Variants in ATR observed in about 807,000 individuals in gnomAD.
ATR encodes serine/threonine-protein kinase ATR.
In ATR, 142 loss-of-function variants were observed where a neutral mutation model predicts 305.3. That is an observed-to-expected ratio of 0.47 (90% CI 0.41 to 0.53). The LOEUF (loss-of-function observed/expected upper bound fraction) is 0.53, where lower values mean the gene tolerates loss of function less well. Ranked by LOEUF, ATR falls within the 20% of genes least tolerant of loss-of-function variation. ATR has a pLI of 0.00. For synonymous variants in ATR, 1,050 were observed against 1,068.1 expected (o/e 0.98, Z 0.33); for missense variants, 2,135 against 3,133.1 (o/e 0.68, Z 7.60).
intron 35 of ATR, 38 bp from the exon 36 acceptor site, chr3:142,485,320 C>T (rs2030844549): frequency 1.2e-6 from 2 of 1,610,894 alleles, no homozygotes; most frequent in East Asian, 2.2e-5. Flanking sequence ...CTAAGGAAAT[C>T]CCACGCTATG....
chr3:142,486,662 T>C (rs1438845315), intron 35 of ATR, among the ~76,000 whole-genome samples: 2 of 152,152 alleles, frequency 1.3e-5, no homozygotes, highest in African/African-American at 4.8e-5. Context: ...TTAAGATTTT[T>C]AAGTTTTATT....
chr3:142,478,272 A>T (rs1443935193), intron 36 of ATR, among the ~76,000 whole-genome samples: 1 of 151,986 alleles, frequency 6.6e-6, no homozygotes, highest in Non-Finnish European at 1.5e-5. Context: ...TGTGTCCCAG[A>T]GATTCTGGTA....
chr3:142,482,151 T>C (rs547344983), intron 36 of ATR, among the ~76,000 whole-genome samples: 1 of 152,252 alleles, frequency 6.6e-6, no homozygotes, highest in East Asian at 1.9e-4. Context: ...TCACACATTC[T>C]ATTATGTACC....
intron 21 of ATR, among the ~76,000 whole-genome samples, chr3:142,532,336 T>C (rs1447730282): frequency 6.6e-6 from 1 of 152,228 alleles, no homozygotes; most frequent in African/African-American, 2.4e-5. Context: ...TAAAAGTTTA[T>C]TTTGGCTTCT....
At chr3:142,554,709 G>A (rs2034601359) in intron 10 of ATR, among the ~76,000 whole-genome samples, 1 of 152,002 alleles carries the variant, frequency 6.6e-6, no homozygotes, top group African/African-American at 2.4e-5. Flanking sequence ...ATCACTTGAA[G>A]CTAGGAGTTC....
At chr3:142,553,521 T>C in intron 12 of ATR, 119 bp downstream of exon 12, 1 of 1,446,358 alleles carries the variant, frequency 6.9e-7, no homozygotes, top group Non-Finnish European at 9.6e-7. Flanking sequence ...TAAATTCATG[T>C]TGACTCACAT....
Position 142,515,491 on chromosome 3 carries a change from G to A in ATR, c.4407C>T (p.Thr1469=), listed in dbSNP as rs201300027. 36 of 1,611,376 alleles carry A rather than the reference G, an allele frequency of 2.2e-5. No individual in the cohort carries two copies. The Middle Eastern group carries it at 8.3e-4, about 37-fold the overall frequency. The part of the protein sequence containing the change: ...NTRYKSSQKS[T]DWSGVKKPIY... ...TTGGCTTCTTTACTCCAGACCAATC[G>A]GTTGACTTCTGAGAACTCTTGTATC... The change falls in exon 25 of 47, where the codon ACC becomes ACT. Residue 1469 remains threonine (T), a synonymous_variant. Transcript: ENST00000350721.
intron 34 of ATR, among the ~76,000 whole-genome samples, chr3:142,493,966 C>T (rs1258850922): frequency 6.7e-6 from 1 of 148,714 alleles, no homozygotes; most frequent in Non-Finnish European, 1.5e-5. Flanking sequence ...AGCAGGAGTC[C>T]AAGGCATCAG....
intron 28 of ATR, among the ~76,000 whole-genome samples, chr3:142,507,025 A>G (rs1355378908): frequency 6.6e-6 from 1 of 152,218 alleles, no homozygotes; most frequent in Non-Finnish European, 1.5e-5. Flanking sequence ...AGTGGGAAAA[A>G]GACAAGAAGT....
At chr3:142,548,341 G>C (rs1331320134) in intron 15 of ATR, among the ~76,000 whole-genome samples, 1 of 152,118 alleles carries the variant, frequency 6.6e-6, no homozygotes, top group African/African-American at 2.4e-5. Flanking sequence ...ACCTCACTCT[G>C]CCTTAGTTCC....
At chr3:142,513,257 G>GA (rs1475335845) in intron 26 of ATR, among the ~76,000 whole-genome samples, 1 of 152,072 alleles carries the variant, frequency 6.6e-6, no homozygotes, top group East Asian at 1.9e-4. Context: ...AGGTTAAAAA[G>GA]AAAATGACTA....
chr3:142,547,596 A>G lies in ATR; in HGVS notation c.3357+129T>C. The G allele has an allele frequency of 3.8e-6, 4 of 1,054,012 alleles. No individual in the cohort carries two copies. In the South Asian group the frequency reaches 6.0e-5, roughly 16 times the overall value. The allele number at this position is 1,054,012 out of a possible 1,614,324, so 65.3% of individuals were successfully genotyped here. A position where few individuals can be genotyped will look rare whatever the true frequency, so the allele number is the denominator to read the frequency against. On this transcript the variant is annotated intron_variant, in intron 16 of 46. Transcript: ENST00000350721. The stretch of plus-strand genomic sequence containing the variant: ...AAATCAGCCTTTTCAAAATAAAAAT[A>G]CCAACTTAAAATTTAAACAAATGGC...
chr3:142,563,321 T>A (rs979188848), intron 3 of ATR, among the ~76,000 whole-genome samples: 4 of 152,224 alleles, frequency 2.6e-5, no homozygotes, highest in African/African-American at 9.6e-5. Flanking sequence ...AAATTGAAGG[T>A]TGTGGTAACT....
At chr3:142,505,325 CA>C (rs773106897) in intron 28 of ATR, 22 bp from the exon 29 acceptor site, 2 of 1,610,714 alleles carry the variant, frequency 1.2e-6, no homozygotes. Context: ...GATTAAAAAA[CA>C]ATCAAAAACA....
rs1052790518 is a variant in ATR, at chr3:142,566,019, C to A, written c.292+102G>T. The A allele has an allele frequency of 3.9e-6, 6 of 1,519,646 alleles. No individual in the cohort carries two copies. The African/African-American group carries it at 6.9e-5, about 17-fold the overall frequency. 94.1% of individuals were successfully genotyped at this position (1,519,646 alleles called of 1,614,324 possible). On this transcript the variant is annotated intron_variant, in intron 3 of 46. Coordinates refer to ENST00000350721, the MANE Select transcript of ATR (RefSeq NM_001184.4). ...CTCCTTCAATTTATAGCAAAGCTGA[C>A]CCAAAAAAGTATAATCCTGTACATG... is the stretch of plus-strand genomic sequence containing the variant.
chr3:142,477,420 C>A (rs578198209), intron 36 of ATR, among the ~76,000 whole-genome samples: 1 of 152,146 alleles, frequency 6.6e-6, no homozygotes, highest in Non-Finnish European at 1.5e-5. Flanking sequence ...GTTGAACCAG[C>A]CTTACATCCC....
chr3:142,515,518 G>A lies in ATR; in HGVS notation c.4383-3C>T, dbSNP rs1216527240. On this transcript the variant is annotated splice_polypyrimidine_tract_variant and splice_region_variant and intron_variant, in intron 24 of 46. Coordinates refer to ENST00000350721, the MANE Select transcript of ATR (RefSeq NM_001184.4). ...TTGACTTCTGAGAACTCTTGTATCT[G>A]TAATTTTGAAAATTTGTTTATTAAA... The A allele has an allele frequency of 1.9e-6, 3 of 1,608,578 alleles. No homozygotes were observed. The African/African-American group carries it at 4.0e-5, about 21-fold the overall frequency.
At chr3:142,496,912 T>A in intron 33 of ATR, 101 bp downstream of exon 33, 1 of 1,341,402 alleles carries the variant, frequency 7.5e-7, no homozygotes, top group Non-Finnish European at 1.0e-6. Flanking sequence ...TAGAAAAATG[T>A]AGATTCAGAC....
chr3:142,530,847 T>G (rs2033610345), intron 21 of ATR, among the ~76,000 whole-genome samples: 1 of 152,218 alleles, frequency 6.6e-6, no homozygotes. Flanking sequence ...ACCTTCCCTG[T>G]AGCCAGTAGT....
Sources: allele counts gnomAD v4.1 joint callset (sites outside exome capture counted in the v4.1 genomes callset), GRCh38; gene constraint gnomAD v4.1.1; transcripts MANE v1.5; gene names NCBI Gene and HGNC (gene_info 2026-07-23, HGNC 2026-07-21).